DNAJC12: variants seen among roughly 807,000 people sequenced by gnomAD.
The protein encoded by DNAJC12 is DnaJ heat shock protein family (Hsp40) member C12.
Under a neutral mutation model 28.5 loss-of-function variants are expected in DNAJC12, and 25 were observed. The ratio of observed to expected loss-of-function variants is 0.88; its 90% CI spans 0.64 to 1.22. The LOEUF is 1.22. Ranked by LOEUF, DNAJC12 falls within the 50% of genes most tolerant of loss-of-function variation. The pLI, the probability that DNAJC12 is intolerant of heterozygous loss-of-function variation, is 0.00. For missense variants in DNAJC12, 222 were observed against 231.7 expected, an observed-to-expected ratio of 0.96 and a Z score of 0.27; for synonymous variants, 77 against 80.6, an observed-to-expected ratio of 0.95 and a Z score of 0.24.
intron 1 of DNAJC12, among the ~76,000 whole-genome samples, chr10:67,831,366 C>T (rs1165331741): frequency 6.6e-6 from 1 of 152,056 alleles, no homozygotes; most frequent in African/African-American, 2.4e-5. Context: ...CCTTATTGAA[C>T]ATATATTAAT....
chr10:67,808,966 C>G (rs1168818587), intron 3 of DNAJC12, among the ~76,000 whole-genome samples: 1 of 152,148 alleles, frequency 6.6e-6, no homozygotes, highest in African/African-American at 2.4e-5. Flanking sequence ...CAGTTGAACC[C>G]ACCCCAAAGA....
intron 2 of DNAJC12, among the ~76,000 whole-genome samples, chr10:67,819,258 G>A (rs940047600): frequency 4.6e-5 from 7 of 151,984 alleles, no homozygotes; most frequent in Non-Finnish European, 1.0e-4. Flanking sequence ...GCGTAAACCC[G>A]GGAGGCGGAG....
chr10:67,802,684 CTG>C (rs1841758544), intron 4 of DNAJC12, among the ~76,000 whole-genome samples: 1 of 152,052 alleles, frequency 6.6e-6, no homozygotes, highest in Non-Finnish European at 1.5e-5. Context: ...TATATCTACA[CTG>C]TGGAATGTTA....
intron 3 of DNAJC12, chr10:67,808,526 C>A (rs1367535774): frequency 6.6e-6 from 1 of 151,978 alleles, no homozygotes; most frequent in Non-Finnish European, 1.5e-5. Context: ...AGCACATATA[C>A]CAAAATTGGA....
Position 67,814,809 on chromosome 10 carries a change from G to C in DNAJC12, c.158-3146C>G, listed in dbSNP as rs559406079. ...GAAATACAAATCAAAACCATAGTGA[G>C]ATACCACTTTATACCTACTAGGATG... On this transcript the variant is annotated intron_variant, in intron 2 of 4. Transcript: ENST00000225171. Among the ~76,000 whole-genome samples, 6 of 152,258 alleles carry C rather than the reference G, an allele frequency of 3.9e-5. No homozygotes were observed. The East Asian group carries it at 9.6e-4, about 24-fold the overall frequency.
chr10:67,799,612 C>T (rs762502280), intron 4 of DNAJC12, among the ~76,000 whole-genome samples: 7 of 152,130 alleles, frequency 4.6e-5, no homozygotes, highest in South Asian at 2.1e-4. Flanking sequence ...TGGCCAGGTG[C>T]GGTGGCTCAC....
At chr10:67,825,914 T>C (rs935858132) in intron 1 of DNAJC12, among the ~76,000 whole-genome samples, 2 of 152,154 alleles carry the variant, frequency 1.3e-5, no homozygotes, top group Non-Finnish European at 2.9e-5. Flanking sequence ...ATATAACAAA[T>C]AAAACTGAGA....
At position 67,837,926 on chromosome 10, in the gene DNAJC12, T is replaced by C. The variant is rs1842155112; in HGVS notation, c.78+8A>G. ...CTGTTGTGATAAAAATATTATCCACTGTCTTACCGAAGATAGTTCATCACA... is the reference window on the plus strand; with the variant it reads ...CTGTTGTGATAAAAATATTATCCACCGTCTTACCGAAGATAGTTCATCACA... On this transcript the variant is annotated splice_region_variant and intron_variant, in intron 1 of 4. Transcript: ENST00000225171. 2 of 1,568,582 alleles carry C rather than the reference T, an allele frequency of 1.3e-6. No individual in the cohort carries two copies. Among genetic ancestry groups the C allele is most frequent in the Admixed American group, 1.8e-5 (1 of 55,712 alleles).
At position 67,819,666 on chromosome 10, in the gene DNAJC12, GAAAGAAAGAA is replaced by G. The variant is rs1841952943; in HGVS notation, c.157+3638_157+3647del. ...AAAGAAAGAAAGAAAGAAAGAGAAA[GAAAGAAAGAA>G]AGAAAGAAAGAAAGAAAGAAAGGAA... On this transcript the variant is annotated intron_variant, in intron 2 of 4. Transcript: ENST00000225171. 7.4e-3 allele frequency among the ~76,000 whole-genome samples: 55 copies of G among 7,440 alleles called. 2 individuals carry two copies. The highest frequency in any genetic ancestry group is 0.02 in the African/African-American group (48 of 2,418). 4.9% of individuals were successfully genotyped at this position (7,440 alleles called of 152,430 possible). A position where few individuals can be genotyped will look rare whatever the true frequency, so the allele number is the denominator to read the frequency against.
At position 67,811,604 on chromosome 10, in the gene DNAJC12, C is replaced by G. The variant is rs1458877747; in HGVS notation, c.217G>C (p.Ala73Pro). Residue 73 changes from alanine to proline, a missense_variant, in exon 3 of 5, where the codon GCC becomes CCC. Transcript: ENST00000225171. The stretch of plus-strand genomic sequence containing the variant: ...CTCCTTCGCCAGTGGTCATAGCGGG[C>G]TCGACTCTCTTCATTGGTCAGAATC... ...KEILTNEESR[A>P]RYDHWRRSQM... The G allele has an allele frequency of 1.2e-6, 2 of 1,614,116 alleles. No homozygotes were observed. Among genetic ancestry groups the G allele is most frequent in the African/African-American group, 1.3e-5 (1 of 74,942 alleles).
intron 2 of DNAJC12, among the ~76,000 whole-genome samples, chr10:67,815,053 T>C (rs1214188569): frequency 6.6e-6 from 1 of 152,186 alleles, no homozygotes; most frequent in African/African-American, 2.4e-5. Flanking sequence ...CTGTATATGA[T>C]AGCAGCATTA....
At position 67,818,392 on chromosome 10, in the gene DNAJC12, T is replaced by C. The variant is rs546702141; in HGVS notation, c.157+4922A>G. On this transcript the variant is annotated intron_variant, in intron 2 of 4. Coordinates refer to ENST00000225171, the MANE Select transcript of DNAJC12 (RefSeq NM_021800.3). Reference sequence around the variant, plus strand: ...CATGCCTGCCTAGAGAAGATATTGATGTCTGTGTACCTTTTCATTTTAAAC... The same window carrying C: ...CATGCCTGCCTAGAGAAGATATTGACGTCTGTGTACCTTTTCATTTTAAAC... Among the ~76,000 whole-genome samples, 36 of 152,338 alleles carry C rather than the reference T, an allele frequency of 2.4e-4. No individual in the cohort carries two copies. The East Asian group carries it at 6.4e-3, about 27-fold the overall frequency.
At chr10:67,797,792 G>A (rs1439488049) in intron 4 of DNAJC12, among the ~76,000 whole-genome samples, 1 of 152,164 alleles carries the variant, frequency 6.6e-6, no homozygotes, top group East Asian at 1.9e-4. Context: ...TGTAATCCCA[G>A]CACTTTGGGA....
intron 1 of DNAJC12, among the ~76,000 whole-genome samples, chr10:67,829,491 A>T (rs1173063710): frequency 6.6e-6 from 1 of 152,060 alleles, no homozygotes; most frequent in African/African-American, 2.4e-5. Flanking sequence ...ATACAAAAAA[A>T]TTAGCCGGGC....
chr10:67,819,604 C>T (rs1841951145), intron 2 of DNAJC12, among the ~76,000 whole-genome samples: 1 of 148,580 alleles, frequency 6.7e-6, no homozygotes, highest in African/African-American at 2.5e-5. Flanking sequence ...ATGCCACGGC[C>T]CTCCAGCCTG....
intron 2 of DNAJC12, chr10:67,816,194 T>A (rs1395023991): frequency 2.5e-6 from 1 of 397,614 alleles, no homozygotes; most frequent in Non-Finnish European, 4.4e-6. Context: ...ATTACAACAG[T>A]CACATTTTAA....
Position 67,796,897 on chromosome 10 carries a change from GA to G in DNAJC12, c.*218del. ...ATAATACAATCTACTCTGTATCTAAGAGCTTTAATTTATTCAAATATTGGAA... is the reference window on the plus strand; with the variant it reads ...ATAATACAATCTACTCTGTATCTAAGGCTTTAATTTATTCAAATATTGGAA... On this transcript the variant is annotated 3_prime_UTR_variant, in exon 5 of 5. Transcript: ENST00000225171. 1 of 442,538 alleles carries G rather than the reference GA, an allele frequency of 2.3e-6. No individual in the cohort carries two copies. Among genetic ancestry groups the G allele is most frequent in the Non-Finnish European group, 4.0e-6 (1 of 247,816 alleles). 27.4% of individuals were successfully genotyped at this position (442,538 alleles called of 1,614,324 possible).
chr10:67,811,729 C>T, intron 2 of DNAJC12, 66 bp from the exon 3 acceptor site: 1 of 1,553,936 alleles, frequency 6.4e-7, no homozygotes, highest in Non-Finnish European at 8.7e-7. Flanking sequence ...CCAAAACTAT[C>T]CAACTGCTCT....
At chr10:67,836,757 T>G (rs895118324) in intron 1 of DNAJC12, among the ~76,000 whole-genome samples, 1 of 152,162 alleles carries the variant, frequency 6.6e-6, no homozygotes, top group Non-Finnish European at 1.5e-5. Context: ...TTTAATCCTT[T>G]GTGTCCAGTA....
Sources: gnomAD v4.1 joint callset for allele counts (sites outside exome capture counted in the v4.1 genomes callset) on GRCh38, gnomAD v4.1.1 for gene constraint, MANE v1.5 for transcripts, NCBI Gene and HGNC (gene_info 2026-07-23, HGNC 2026-07-21) for gene names.